The following DNER variants were observed in gnomAD, a reference collection of about 807,000 sequenced individuals.
DNER encodes the protein delta and Notch-like epidermal growth factor-related receptor.
DNER carries 33 observed loss-of-function variants against 78.2 expected under a neutral mutation model. That is an observed-to-expected ratio of 0.42 (90% CI 0.32 to 0.56). The LOEUF is 0.56. Ranked by LOEUF, DNER falls within the 20% of genes least tolerant of loss-of-function variation. The probability of loss-of-function intolerance (pLI) is 0.11; values close to 1 mark genes in which losing one functional copy is unlikely to be tolerated. For missense variants in DNER, 918 were observed against 975.3 expected (o/e 0.94, Z 0.78); for synonymous variants, 417 against 384.8 (o/e 1.08, Z -0.98).
chr2:229,521,586 A>G (rs545728264), intron 5 of DNER, among the ~76,000 whole-genome samples: 1 of 152,366 alleles, frequency 6.6e-6, no homozygotes, highest in East Asian at 1.9e-4. Flanking sequence ...GCTATGACTA[A>G]AGGGTCAGAC....
At chr2:229,703,090 T>G (rs1699775235) in intron 1 of DNER, among the ~76,000 whole-genome samples, 1 of 151,976 alleles carries the variant, frequency 6.6e-6, no homozygotes, top group Non-Finnish European at 1.5e-5. Context: ...CAAAATAATT[T>G]TGCAGGTGGT....
At chr2:229,469,241 C>G (rs1215849423) in intron 7 of DNER, among the ~76,000 whole-genome samples, 1 of 152,150 alleles carries the variant, frequency 6.6e-6, no homozygotes, top group Non-Finnish European at 1.5e-5. Context: ...ATCCAAATAG[C>G]TACCACTTGA....
chr2:229,606,817 C>T (rs1036034276), intron 1 of DNER, among the ~76,000 whole-genome samples: 4 of 152,104 alleles, frequency 2.6e-5, no homozygotes, highest in African/African-American at 9.7e-5. Context: ...CGCTTGAACC[C>T]AGGAGGCGGA....
At chr2:229,542,089 T>C (rs1384669757) in intron 5 of DNER, among the ~76,000 whole-genome samples, 1 of 151,644 alleles carries the variant, frequency 6.6e-6, no homozygotes, top group African/African-American at 2.4e-5. Context: ...GAATCTAATT[T>C]GGATCTAAAG....
chr2:229,672,345 G>A (rs764467895), intron 1 of DNER, among the ~76,000 whole-genome samples: 9 of 151,980 alleles, frequency 5.9e-5, no homozygotes, highest in Non-Finnish European at 8.8e-5. Context: ...CAGAGCAGCC[G>A]GACTTTTGAG....
At chr2:229,714,067 G>C in intron 1 of DNER, 81 bp downstream of exon 1, 4 of 1,204,846 alleles carry the variant, frequency 3.3e-6, no homozygotes, top group Non-Finnish European at 4.2e-6. Flanking sequence ...GCCCATTGTC[G>C]GGCAGCAGCA....
At chr2:229,711,759 C>T (rs1405213870) in intron 1 of DNER, among the ~76,000 whole-genome samples, 2 of 152,114 alleles carry the variant, frequency 1.3e-5, no homozygotes, top group Non-Finnish European at 2.9e-5. Context: ...GCACAAGGTT[C>T]TATTTCAGCA....
intron 6 of DNER, among the ~76,000 whole-genome samples, chr2:229,502,346 G>C (rs918822870): frequency 1.3e-5 from 2 of 152,190 alleles, no homozygotes; most frequent in Non-Finnish European, 2.9e-5. Flanking sequence ...GGATATGGGG[G>C]CACCGCAGCA....
At chr2:229,511,331 A>G (rs1387012938) in intron 6 of DNER, among the ~76,000 whole-genome samples, 3 of 152,248 alleles carry the variant, frequency 2.0e-5, no homozygotes, top group Non-Finnish European at 4.4e-5. Flanking sequence ...AAGATGCATC[A>G]AAATAGCTGT....
chr2:229,551,258 T>C (rs2154213341), intron 4 of DNER, among the ~76,000 whole-genome samples: 1 of 152,356 alleles, frequency 6.6e-6, no homozygotes, highest in South Asian at 2.1e-4. Context: ...AAAAATGATA[T>C]CACAAATATC....
chr2:229,680,472 C>G (rs187997263), intron 1 of DNER, among the ~76,000 whole-genome samples: 6 of 152,298 alleles, frequency 3.9e-5, no homozygotes, highest in African/African-American at 4.8e-5. Flanking sequence ...AACCACTGCC[C>G]CCCAGATGCC....
intron 6 of DNER, among the ~76,000 whole-genome samples, chr2:229,478,591 T>C (rs1214356953): frequency 6.6e-6 from 1 of 152,206 alleles, no homozygotes; most frequent in Admixed American, 6.5e-5. Flanking sequence ...AAATAAAAGC[T>C]GTAAATTCAA....
chr2:229,532,010 G>A lies in DNER; in HGVS notation c.993+14937C>T, dbSNP rs10171065. Among the ~76,000 whole-genome samples the A allele has an allele frequency of 9.2e-3, 1,404 of 152,198 alleles. 28 individuals are homozygous for A. Among genetic ancestry groups the A allele is most frequent in the African/African-American group, 0.032 (1,342 of 41,514 alleles). On this transcript the variant is annotated intron_variant, in intron 5 of 12. Coordinates refer to ENST00000341772, the MANE Select transcript of DNER (RefSeq NM_139072.4). ...CAGGGGTTGGGGGAAGGGACAAATG[G>A]GGAGTAACTGCTTAATGAATATGAG...
intron 1 of DNER, among the ~76,000 whole-genome samples, chr2:229,620,525 G>A (rs910112077): frequency 1.3e-5 from 2 of 152,196 alleles, no homozygotes; most frequent in South Asian, 2.1e-4. Flanking sequence ...GAGATGAGCC[G>A]CAGCCTCGAG....
Position 229,540,596 on chromosome 2 carries a change from G to A in DNER, c.993+6351C>T, listed in dbSNP as rs561273505. Among the ~76,000 whole-genome samples, 9 of 152,342 alleles carry A rather than the reference G, an allele frequency of 5.9e-5. No individual in the cohort carries two copies. The South Asian group carries it at 1.7e-3, about 28-fold the overall frequency. On this transcript the variant is annotated intron_variant, in intron 5 of 12. Coordinates refer to ENST00000341772, the MANE Select transcript of DNER (RefSeq NM_139072.4). ...GCAATGGACAAAGTAACTGGTTCGA[G>A]TCATTGATCATTTCCAATAAACCAA...
chr2:229,384,326 T>C (rs1172655921), intron 11 of DNER, among the ~76,000 whole-genome samples: 2 of 152,014 alleles, frequency 1.3e-5, no homozygotes, highest in Non-Finnish European at 2.9e-5. Context: ...CTAAAATCGA[T>C]ACCCTAACAT....
At chr2:229,490,140 G>C (rs1364497991) in intron 6 of DNER, among the ~76,000 whole-genome samples, 1 of 152,140 alleles carries the variant, frequency 6.6e-6, no homozygotes, top group Non-Finnish European at 1.5e-5. Context: ...TTTTAAGATA[G>C]AGAAGGCCAG....
chr2:229,563,487 C>G (rs1477081885), intron 4 of DNER, among the ~76,000 whole-genome samples: 1 of 148,604 alleles, frequency 6.7e-6, no homozygotes, highest in African/African-American at 2.5e-5. Flanking sequence ...TCATCATCAT[C>G]CTCACCCCAT....
At chr2:229,531,821 A>C (rs1395285839) in intron 5 of DNER, among the ~76,000 whole-genome samples, 1 of 152,230 alleles carries the variant, frequency 6.6e-6, no homozygotes, top group Non-Finnish European at 1.5e-5. Context: ...TTACTCAGCC[A>C]TATAAAGTAG....
Sources: gnomAD v4.1 joint callset for allele counts (sites outside exome capture counted in the v4.1 genomes callset) on GRCh38, gnomAD v4.1.1 for gene constraint, MANE v1.5 for transcripts, NCBI Gene and HGNC (gene_info 2026-07-23, HGNC 2026-07-21) for gene names.